Variants in APBA1 observed in about 807,000 individuals in gnomAD.
APBA1 encodes amyloid-beta A4 precursor protein-binding family A member 1.
Under a neutral mutation model 86.6 loss-of-function variants are expected in APBA1, and 55 were observed. The observed-to-expected ratio is 0.64, with a 90% CI of 0.51 to 0.80. The LOEUF (loss-of-function observed/expected upper bound fraction) is 0.80. Ranked by LOEUF, APBA1 falls within the 30% of genes least tolerant of loss-of-function variation. The pLI is 0.00. For synonymous variants in APBA1, 511 were observed against 493.9 expected, an observed-to-expected ratio of 1.03 and a Z score of -0.46; for missense variants, 1,090 against 1,183.0, an observed-to-expected ratio of 0.92 and a Z score of 1.15.
At chr9:69,599,725 C>T (rs1160725387) in intron 1 of APBA1, among the ~76,000 whole-genome samples, 3 of 152,150 alleles carry the variant, frequency 2.0e-5, no homozygotes, top group Admixed American at 1.3e-4. Flanking sequence ...CTATGCAGAC[C>T]TCCTGAATCA....
chr9:69,445,959 C>T (rs1399681146), intron 10 of APBA1, among the ~76,000 whole-genome samples: 1 of 152,090 alleles, frequency 6.6e-6, no homozygotes. Flanking sequence ...TAACAAGATC[C>T]CCAGGTGATT....
chr9:69,491,348 G>A (rs1042234234), intron 2 of APBA1, among the ~76,000 whole-genome samples: 1 of 151,910 alleles, frequency 6.6e-6, no homozygotes, highest in African/African-American at 2.4e-5. Flanking sequence ...AGCAAACTAT[G>A]GCAAGGACAA....
At chr9:69,670,638 A>G (rs758062020) in intron 1 of APBA1, among the ~76,000 whole-genome samples, 25 of 151,978 alleles carry the variant, frequency 1.6e-4, no homozygotes, top group Non-Finnish European at 3.5e-4. Context: ...GCCTACCTCT[A>G]CCCAACCCTA....
At chr9:69,615,527 C>T (rs1401108942) in intron 1 of APBA1, among the ~76,000 whole-genome samples, 2 of 152,092 alleles carry the variant, frequency 1.3e-5, no homozygotes, top group Non-Finnish European at 2.9e-5. Flanking sequence ...AGTAAAAATG[C>T]CATTTCATGA....
At chr9:69,562,685 C>T (rs2133939889) in intron 1 of APBA1, among the ~76,000 whole-genome samples, 1 of 152,040 alleles carries the variant, frequency 6.6e-6, no homozygotes, top group South Asian at 2.1e-4. Flanking sequence ...TGTATTTCTG[C>T]TTTAATCAAT....
At chr9:69,560,305 G>A (rs1012778294) in intron 1 of APBA1, among the ~76,000 whole-genome samples, 3 of 152,044 alleles carry the variant, frequency 2.0e-5, no homozygotes, top group African/African-American at 2.4e-5. Flanking sequence ...GAGGTTAAAG[G>A]AGACTCTGCA....
chr9:69,488,925 G>C (rs1201794457), intron 2 of APBA1, among the ~76,000 whole-genome samples: 1 of 149,862 alleles, frequency 6.7e-6, no homozygotes, highest in Non-Finnish European at 1.5e-5. Flanking sequence ...ACTTACAAGG[G>C]ATGTGAAAGA....
At chr9:69,491,185 G>A (rs576114292) in intron 2 of APBA1, among the ~76,000 whole-genome samples, 38 of 152,182 alleles carry the variant, frequency 2.5e-4, no homozygotes, top group South Asian at 1.0e-3. Context: ...ATTCACAATA[G>A]CAAAGACTTG....
intron 1 of APBA1, among the ~76,000 whole-genome samples, chr9:69,554,923 T>C (rs1013177892): frequency 1.1e-4 from 16 of 152,210 alleles, no homozygotes; most frequent in Non-Finnish European, 2.2e-4. Flanking sequence ...AGACCATTTC[T>C]TAAGCATTCA....
intron 1 of APBA1, among the ~76,000 whole-genome samples, chr9:69,527,488 AATT>A (rs1836363051): frequency 6.6e-6 from 1 of 152,036 alleles, no homozygotes; most frequent in South Asian, 2.1e-4. Flanking sequence ...TCCCAGTGGG[AATT>A]ATTATCTGCA....
chr9:69,487,398 C>T (rs1006194253), intron 2 of APBA1, among the ~76,000 whole-genome samples: 1 of 152,112 alleles, frequency 6.6e-6, no homozygotes, highest in African/African-American at 2.4e-5. Flanking sequence ...ACAGTGGTCA[C>T]TGTCTCAGTT....
intron 9 of APBA1, 97 bp downstream of exon 9, chr9:69,452,025 C>A: frequency 1.7e-6 from 2 of 1,168,824 alleles, no homozygotes; most frequent in Non-Finnish European, 2.5e-6. Flanking sequence ...GCACTCCTCA[C>A]CATTGATCTC....
intron 9 of APBA1, 119 bp from the exon 10 acceptor site, chr9:69,449,915 A>G (rs1450012400): frequency 1.3e-6 from 1 of 787,512 alleles, no homozygotes; most frequent in African/African-American, 1.7e-5. Flanking sequence ...GGGGACACCA[A>G]CCCAGATGAG....
chr9:69,498,585 A>G (rs10867672), intron 2 of APBA1, among the ~76,000 whole-genome samples: 22,964 of 152,030 alleles, frequency 0.15, 2,365 homozygotes, highest in East Asian at 0.28. Flanking sequence ...TAGATTGTAC[A>G]CTCTGCACCA....
intron 11 of APBA1, among the ~76,000 whole-genome samples, chr9:69,434,382 T>C (rs762474514): frequency 6.6e-6 from 1 of 151,956 alleles, no homozygotes; most frequent in Non-Finnish European, 1.5e-5. Flanking sequence ...ATACTCTTTC[T>C]TGATGGATTC....
chr9:69,649,033 C>T (rs560768731), intron 1 of APBA1, among the ~76,000 whole-genome samples: 16 of 152,306 alleles, frequency 1.1e-4, no homozygotes, highest in African/African-American at 3.9e-4. Flanking sequence ...TATTTCCTCA[C>T]CTCCCATATC....
In APBA1 at chr9:69,627,113, T is replaced by C. The variant is rs146573270; in HGVS notation, c.-70+45040A>G. 5.3e-5 allele frequency among the ~76,000 whole-genome samples: 8 copies of C among 152,204 alleles called. No homozygotes were observed. In the East Asian group the frequency reaches 1.5e-3, roughly 29 times the overall value. On this transcript the variant is annotated intron_variant, in intron 1 of 12. Transcript: ENST00000265381. ...TTAAGGCACTTCAAAAGCAGGTCAT[T>C]AGAAAGAATATAAACAGAAACATGC...
In APBA1 at chr9:69,510,641, T is replaced by C. The variant is rs888034507; in HGVS notation, c.1200+5370A>G. 3.6e-4 allele frequency among the ~76,000 whole-genome samples: 51 copies of C among 142,174 alleles called. 7 individuals are homozygous for C. The highest frequency in any genetic ancestry group is 1.3e-3 in the African/African-American group (46 of 35,600). The allele number at this position is 142,174 out of a possible 152,430, so 93.3% of individuals were successfully genotyped here. On this transcript the variant is annotated intron_variant, in intron 2 of 12. Coordinates refer to ENST00000265381, the MANE Select transcript of APBA1 (RefSeq NM_001163.4). ...CAATCCTAAGCCAAAAGAACAAAGC[T>C]GGAGGCATCACGCTACCTGACTTCA...
intron 11 of APBA1, among the ~76,000 whole-genome samples, chr9:69,436,418 A>C (rs543705092): frequency 1.3e-5 from 2 of 152,078 alleles, no homozygotes; most frequent in South Asian, 4.2e-4. Context: ...TGAGCATGGA[A>C]TGTTCTTCCA....
Sources: allele counts gnomAD v4.1 joint callset (sites outside exome capture counted in the v4.1 genomes callset), GRCh38; gene constraint gnomAD v4.1.1; transcripts MANE v1.5; gene names NCBI Gene and HGNC (gene_info 2026-07-23, HGNC 2026-07-21).